The following KYNU variants were observed in gnomAD, a reference collection of about 807,000 sequenced individuals.
KYNU encodes the protein kynureninase.
A neutral mutation model predicts 59.2 loss-of-function variants in KYNU; 54 were observed. The observed-to-expected ratio is 0.91, with a 90% confidence interval of 0.73 to 1.14. KYNU has a LOEUF of 1.14. Among genes scored for constraint, KYNU ranks in the 50% most tolerant of loss-of-function variants. The pLI is 0.00. For synonymous variants in KYNU, 177 were observed against 192.0 expected (o/e 0.92, Z 0.65); for missense variants, 567 against 554.4 (o/e 1.02, Z -0.23).
At chr2:142,930,836 G>T (rs1683186153) in intron 4 of KYNU, among the ~76,000 whole-genome samples, 1 of 152,174 alleles carries the variant, frequency 6.6e-6, no homozygotes, top group African/African-American at 2.4e-5. Flanking sequence ...TACCATAGTT[G>T]TAAGGTTTCT....
At position 142,915,683 on chromosome 2, in the gene KYNU, C is replaced by T. The variant is rs746810880; in HGVS notation, c.170-2926C>T. Among the ~76,000 whole-genome samples, 7 of 152,238 alleles carry T rather than the reference C, an allele frequency of 4.6e-5. No individual in the cohort carries two copies. In the South Asian group the frequency reaches 6.2e-4, roughly 14 times the overall value. ...AGCCTTTTCAAAGAAAGGAGCATTC[C>T]AGAAGAATGGCTCTAACACTGTTGA... On this transcript the variant is annotated intron_variant, in intron 2 of 13. Transcript: ENST00000264170.
At chr2:142,931,091 G>T (rs774767800) in intron 4 of KYNU, among the ~76,000 whole-genome samples, 2 of 152,192 alleles carry the variant, frequency 1.3e-5, no homozygotes, top group Non-Finnish European at 2.9e-5. Flanking sequence ...TTCCGGCCAG[G>T]GTAGCTGTCT....
At chr2:142,947,645 G>T (rs955679789) in intron 4 of KYNU, 5 of 159,898 alleles carry the variant, frequency 3.1e-5, no homozygotes, top group African/African-American at 9.6e-5. Context: ...GGGCCCAAAT[G>T]AGGGATTATT....
rs351695 is a variant in KYNU at position 142,947,132 on chromosome 2, A to C, written c.374-7678A>C. 15,900 of 1,550,958 alleles carry C rather than the reference A, an allele frequency of 0.01. 981 individuals carry two copies. The Admixed American group carries it at 0.17, about 16-fold the overall frequency. On this transcript the variant is annotated intron_variant, in intron 4 of 13. Transcript: ENST00000264170. ...AGCCACCCTTACAGACCCCCAACACAATCAACCTGGAAATGACCTCAGTAT... is the reference window on the plus strand; with the variant it reads ...AGCCACCCTTACAGACCCCCAACACCATCAACCTGGAAATGACCTCAGTAT...
intron 4 of KYNU, among the ~76,000 whole-genome samples, chr2:142,946,501 G>A (rs781746614): frequency 5.9e-5 from 9 of 152,072 alleles, no homozygotes; most frequent in Non-Finnish European, 1.2e-4. Flanking sequence ...CAGAGCTCTT[G>A]GGCGACTATG....
chr2:142,907,427 T>C (rs1445525346), intron 2 of KYNU, among the ~76,000 whole-genome samples: 1 of 152,060 alleles, frequency 6.6e-6, no homozygotes, highest in Non-Finnish European at 1.5e-5. Context: ...GGAGTGGAAA[T>C]GGGTGCCTTG....
At chr2:142,914,658 T>G (rs1682613622) in intron 2 of KYNU, among the ~76,000 whole-genome samples, 1 of 152,260 alleles carries the variant, frequency 6.6e-6, no homozygotes, top group Non-Finnish European at 1.5e-5. Context: ...TATTTCAAAC[T>G]TTTTCATTAT....
chr2:142,954,277 G>A (rs181122863), intron 4 of KYNU, among the ~76,000 whole-genome samples: 1 of 152,152 alleles, frequency 6.6e-6, no homozygotes, highest in East Asian at 1.9e-4. Context: ...ATGAATAAAT[G>A]TCAGAGCTAT....
intron 4 of KYNU, among the ~76,000 whole-genome samples, chr2:142,937,559 G>A (rs907968932): frequency 2.6e-5 from 4 of 151,796 alleles, no homozygotes; most frequent in Admixed American, 2.6e-4. Context: ...CATGAGTCAG[G>A]CAGCCTCTCA....
At chr2:142,891,399 T>A (rs1681708652) in intron 2 of KYNU, among the ~76,000 whole-genome samples, 1 of 151,940 alleles carries the variant, frequency 6.6e-6, no homozygotes, top group Non-Finnish European at 1.5e-5. Context: ...AAAAAAACGG[T>A]GCTGCTTTCA....
intron 4 of KYNU, chr2:142,947,408 G>A (rs1046590159): frequency 1.2e-5 from 7 of 607,324 alleles, no homozygotes; most frequent in African/African-American, 5.5e-5. Context: ...CGGAATAAAA[G>A]CTAATGTCCC....
Position 142,958,922 on chromosome 2 carries a change from A to C in KYNU, c.582+1207A>C, listed in dbSNP as rs373385239. ...TTATTAGATTGTTTTAAGAATAAAG[A>C]GTTTTGGATTGCCAAGTTATCAATT... On this transcript the variant is annotated intron_variant, in intron 7 of 13. Transcript: ENST00000264170. Among the ~76,000 whole-genome samples the C allele has an allele frequency of 2.0e-5, 3 of 152,206 alleles. No individual in the cohort carries two copies. In the East Asian group the frequency reaches 5.8e-4, roughly 29 times the overall value.
At chr2:142,991,922 G>A (rs1685408564) in intron 10 of KYNU, among the ~76,000 whole-genome samples, 2 of 151,768 alleles carry the variant, frequency 1.3e-5, no homozygotes, top group Non-Finnish European at 2.9e-5. Flanking sequence ...AAAGATATAA[G>A]GAAAATATTC....
intron 10 of KYNU, among the ~76,000 whole-genome samples, chr2:142,991,452 A>G (rs1685396749): frequency 6.6e-6 from 1 of 151,940 alleles, no homozygotes; most frequent in South Asian, 2.1e-4. Flanking sequence ...GAGTTTTTAT[A>G]GAATCCCCAG....
intron 10 of KYNU, among the ~76,000 whole-genome samples, chr2:142,996,092 T>A (rs1685535127): frequency 6.6e-6 from 1 of 152,072 alleles, no homozygotes. Context: ...AGATCTTGAC[T>A]AGGGGACTTA....
intron 10 of KYNU, among the ~76,000 whole-genome samples, chr2:143,017,846 G>T (rs1024360032): frequency 3.3e-5 from 5 of 152,046 alleles, no homozygotes; most frequent in African/African-American, 1.2e-4. Context: ...TCATATGTTT[G>T]TTGACCAATT....
chr2:143,040,430 C>A lies in KYNU; in HGVS notation c.1044C>A (p.Ile348=). 4 of 1,609,404 alleles carry A rather than the reference C, an allele frequency of 2.5e-6. No individual in the cohort carries two copies. The highest frequency in any genetic ancestry group is 3.4e-6 in the Non-Finnish European group (4 of 1,176,072). ...LVCSLHASLE[I]FKQATMKALR... ...TCTGATTGTTTCTCATTCCACAGAT[C>A]TTTAAGCAAGCGACAATGAAGGCAT... The change falls in exon 13 of 14, where the codon ATC becomes ATA. Residue 348 remains isoleucine, a splice_region_variant and synonymous_variant. Coordinates refer to ENST00000264170, the MANE Select transcript of KYNU (RefSeq NM_003937.3).
chr2:142,979,832 C>T (rs1315058492), intron 8 of KYNU, among the ~76,000 whole-genome samples: 2 of 152,042 alleles, frequency 1.3e-5, no homozygotes, highest in South Asian at 2.1e-4. Context: ...GAAAAGGGCT[C>T]CCAATCCAAG....
rs186776079 is a variant in KYNU, at chr2:143,047,164, A to C, written c.*4992A>C. 1 of 152,194 alleles carries C rather than the reference A, an allele frequency of 6.6e-6. No individual in the cohort carries two copies. The highest frequency in any genetic ancestry group is 1.5e-5 in the Non-Finnish European group (1 of 68,020). The allele number at this position is 152,194 out of a possible 1,614,324, so 9.4% of individuals were successfully genotyped here. A position where few individuals can be genotyped will look rare whatever the true frequency, so the allele number is the denominator to read the frequency against. On this transcript the variant is annotated 3_prime_UTR_variant, in exon 14 of 14. Transcript: ENST00000264170. ...ACTGCAGTCTCAACCTCCTGGGCTC[A>C]AGTGATCCTCCCACGTCAGCCTGTG...
Sources: allele counts gnomAD v4.1 joint callset (sites outside exome capture counted in the v4.1 genomes callset), GRCh38; gene constraint gnomAD v4.1.1; transcripts MANE v1.5; gene names NCBI Gene and HGNC (gene_info 2026-07-23, HGNC 2026-07-21).